Variants in SLC41A3 observed in about 807,000 individuals in gnomAD.
SLC41A3 encodes the protein SLC41A1-like 2.
In SLC41A3, 44 loss-of-function variants were observed where a neutral mutation model predicts 45.4. The ratio of observed to expected loss-of-function variants is 0.97; its 90% CI spans 0.76 to 1.25. The LOEUF is 1.25. Ranked by LOEUF, SLC41A3 falls within the 50% of genes most tolerant of loss-of-function variation. The pLI is 0.00. For missense variants in SLC41A3, 550 were observed against 600.6 expected (o/e 0.92, Z 0.88); for synonymous variants, 256 against 252.4 (o/e 1.01, Z -0.13).
rs748579904 is a variant in SLC41A3 at position 126,067,981 on chromosome 3, A to T, written c.239T>A (p.Leu80Gln). The part of the protein sequence containing the change: ...TVPFMFAGLG[L>Q]SWAGMLLDYF... Reference sequence around the variant, plus strand: ...GTCCAGAAGCATGCCGGCCCAGGACAGTCCCAGGCCTGCAAACATGAAGGG... The same window carrying T: ...GTCCAGAAGCATGCCGGCCCAGGACTGTCCCAGGCCTGCAAACATGAAGGG... The change falls in exon 2 of 11, where the codon CTG becomes CAG. Residue 80 changes from leucine to glutamine, a missense_variant. Physicochemically the swap from Leu to Gln is moderately radical, Grantham distance 113. Transcript: ENST00000360370. The T allele has an allele frequency of 2.5e-6, 4 of 1,612,902 alleles. No homozygotes were observed. In the South Asian group the frequency reaches 3.3e-5, roughly 13 times the overall value.
Position 126,018,351 on chromosome 3 carries a change from T to C in SLC41A3, c.746-1476A>G, listed in dbSNP as rs1395536209. On this transcript the variant is annotated intron_variant, in intron 6 of 10. Transcript: ENST00000360370. ...CAAATAACCCATATACAAATCTTCT[T>C]GTTTTAAGTTTAGTTTAGCTTAAAA... Among the ~76,000 whole-genome samples the C allele has an allele frequency of 2.6e-5, 4 of 152,278 alleles. No homozygotes were observed. The East Asian group carries it at 7.7e-4, about 29-fold the overall frequency.
upstream of SLC41A3, among the ~76,000 whole-genome samples, chr3:126,085,022 A>G (rs558564285): frequency 6.6e-6 from 1 of 152,344 alleles, no homozygotes; most frequent in South Asian, 2.1e-4. Context: ...TCTGCGTGAT[A>G]AAACACATTG....
chr3:126,021,124 G>T (rs567037357), intron 6 of SLC41A3, among the ~76,000 whole-genome samples: 14 of 152,222 alleles, frequency 9.2e-5, no homozygotes, highest in South Asian at 4.2e-4. Flanking sequence ...TTGATCTCCT[G>T]ACCTCGTGAT....
intron 1 of SLC41A3, among the ~76,000 whole-genome samples, chr3:126,091,639 T>C (rs779424647): frequency 1.3e-5 from 2 of 152,118 alleles, no homozygotes; most frequent in African/African-American, 2.4e-5. Flanking sequence ...ATGTTTCTTA[T>C]CAGACTTAAA....
At chr3:126,095,867 C>T (rs547608977) in intron 1 of SLC41A3, among the ~76,000 whole-genome samples, 23 of 152,228 alleles carry the variant, frequency 1.5e-4, no homozygotes, top group South Asian at 2.1e-4. Flanking sequence ...CTGAACAAAA[C>T]GGTCAGATGG....
Position 126,033,605 on chromosome 3 carries a change from AC to A in SLC41A3, c.453+1del. On this transcript the variant is annotated splice_donor_variant, in intron 4 of 10. Coordinates refer to ENST00000360370, the MANE Select transcript of SLC41A3 (RefSeq NM_017836.4). LOFTEE classifies it high-confidence loss of function. ...GGAGGGTCGGACAAGGTGAAGACTC[AC>A]CTGGATGAGGGCCAGGTTGCTGCTG... 2 of 1,611,732 alleles carry A rather than the reference AC, an allele frequency of 1.2e-6. No individual in the cohort carries two copies. Among genetic ancestry groups the A allele is most frequent in the Non-Finnish European group, 1.7e-6 (2 of 1,179,490 alleles).
intron 1 of SLC41A3, among the ~76,000 whole-genome samples, chr3:126,096,202 A>G (rs1036400869): frequency 2.6e-5 from 4 of 152,246 alleles, no homozygotes; most frequent in African/African-American, 9.6e-5. Flanking sequence ...TAAAATGGAT[A>G]AAAACACTTG....
chr3:126,022,011 T>C (rs1940925138), intron 6 of SLC41A3, among the ~76,000 whole-genome samples: 1 of 152,208 alleles, frequency 6.6e-6, no homozygotes, highest in South Asian at 2.1e-4. Context: ...TGCCCAGGCA[T>C]GGATGTGGGG....
chr3:126,060,771 A>C (rs1272709938), intron 2 of SLC41A3, among the ~76,000 whole-genome samples: 2 of 152,216 alleles, frequency 1.3e-5, no homozygotes, highest in Non-Finnish European at 2.9e-5. Context: ...CTTGAACTAG[A>C]TTCCAGCTGC....
intron 4 of SLC41A3, among the ~76,000 whole-genome samples, chr3:126,028,032 T>C (rs1941501728): frequency 6.6e-6 from 1 of 152,136 alleles, no homozygotes; most frequent in Non-Finnish European, 1.5e-5. Flanking sequence ...GGAACTTATA[T>C]TTAAAGGGGA....
chr3:126,033,636 C>T lies in SLC41A3; in HGVS notation c.424G>A (p.Val142Ile). ...ATGAGGGCCAGGTTGCTGCTGATGA[C>T]TCTGTGCTGCTCCTGGGGGTCATCA... ...QIDDPQEQHRVISSNLALIQV... is the reference protein window; with the variant it reads ...QIDDPQEQHRIISSNLALIQV... Residue 142 changes from valine to isoleucine, a missense_variant, in exon 4 of 11, where the codon GTC becomes ATC. By Grantham distance (29) the Val-to-Ile change is conservative (BLOSUM62 3). Coordinates refer to ENST00000360370, the MANE Select transcript of SLC41A3 (RefSeq NM_017836.4). 1 of 1,613,084 alleles carries T rather than the reference C, an allele frequency of 6.2e-7. No homozygotes were observed. Among genetic ancestry groups the T allele is most frequent in the South Asian group, 1.1e-5 (1 of 90,416 alleles).
chr3:126,039,903 T>G (rs1199497746), intron 3 of SLC41A3, among the ~76,000 whole-genome samples: 1 of 152,242 alleles, frequency 6.6e-6, no homozygotes, highest in Non-Finnish European at 1.5e-5. Context: ...TGAGAGGAAC[T>G]AGAAGTGTGG....
At position 126,026,291 on chromosome 3, in the gene SLC41A3, G is replaced by A; in HGVS notation, c.598+44C>T. ...ATGAGCTCTGAGGTGGGACCTCAGA[G>A]GAGCAGGGAGCGGGTGGGGGCTCAC... On this transcript the variant is annotated intron_variant, in intron 5 of 10. Coordinates refer to ENST00000360370, the MANE Select transcript of SLC41A3 (RefSeq NM_017836.4). The surrounding 1 kb of genome is among the most constrained non-coding windows in gnomAD (Gnocchi z 4.2). 1 of 1,550,340 alleles carries A rather than the reference G, an allele frequency of 6.5e-7. No homozygotes were observed. Among genetic ancestry groups the A allele is most frequent in the South Asian group, 1.2e-5 (1 of 83,850 alleles).
chr3:126,098,649 C>T (rs1173262182), intron 1 of SLC41A3, among the ~76,000 whole-genome samples: 1 of 152,248 alleles, frequency 6.6e-6, no homozygotes, highest in African/African-American at 2.4e-5. Flanking sequence ...TTGACATGGG[C>T]ATCCAGGCAG....
At position 126,006,402 on chromosome 3, in the gene SLC41A3, G is replaced by A; in HGVS notation, c.*614C>T. ...TTTATTTTACACTTCTCTGATTATTGAAATCTAAATAGAGGTTTTTGCTAA... is the reference window on the plus strand; with the variant it reads ...TTTATTTTACACTTCTCTGATTATTAAAATCTAAATAGAGGTTTTTGCTAA... On this transcript the variant is annotated 3_prime_UTR_variant, in exon 11 of 11. Transcript: ENST00000360370. The A allele has an allele frequency of 6.2e-7, 1 of 1,608,482 alleles. No individual in the cohort carries two copies. The highest frequency in any genetic ancestry group is 1.1e-5 in the South Asian group (1 of 89,946).
In SLC41A3 at chr3:126,068,120, C is replaced by T. The variant is rs987959583; in HGVS notation, c.100G>A (p.Ala34Thr). 5 of 1,613,046 alleles carry T rather than the reference C, an allele frequency of 3.1e-6. No individual in the cohort carries two copies. The highest frequency in any genetic ancestry group is 1.3e-5 in the African/African-American group (1 of 74,896). Residue 34 changes from alanine to threonine, a missense_variant, in exon 2 of 11, where the codon GCC becomes ACC. Transcript: ENST00000360370. ...GCCCTGAGAGCTCCATCTTCTGAGG[C>T]TACAGGGAGTCCTCCTGTGCTGAGG... ...HPLSTGGLPVASEDGALRAPE... is the reference protein window; with the variant it reads ...HPLSTGGLPVTSEDGALRAPE...
chr3:126,029,179 G>A (rs1164542484), intron 4 of SLC41A3, among the ~76,000 whole-genome samples: 1 of 152,196 alleles, frequency 6.6e-6, no homozygotes, highest in African/African-American at 2.4e-5. Context: ...GGCCAGGGGT[G>A]AAATTATATA....
chr3:126,019,400 G>A (rs1170906104), intron 6 of SLC41A3, among the ~76,000 whole-genome samples: 2 of 152,094 alleles, frequency 1.3e-5, no homozygotes, highest in Non-Finnish European at 1.5e-5. Flanking sequence ...GAACTCATTC[G>A]AACCACAGCA....
chr3:126,090,639 C>A (rs1945472251), intron 1 of SLC41A3, among the ~76,000 whole-genome samples: 1 of 152,132 alleles, frequency 6.6e-6, no homozygotes, highest in South Asian at 2.1e-4. Context: ...TTTCTCTCTC[C>A]TTGTTTTACT....
Sources: gnomAD v4.1 joint callset for allele counts (sites outside exome capture counted in the v4.1 genomes callset) on GRCh38, gnomAD v4.1.1 for gene constraint, Gnocchi (gnomAD v3.1) non-coding constraint, MANE v1.5 for transcripts, NCBI Gene and HGNC (gene_info 2026-07-23, HGNC 2026-07-21) for gene names.